The following CLEC16A variants were observed in gnomAD, a reference collection of about 807,000 sequenced individuals.
CLEC16A encodes C-type lectin domain containing 16A, also known as protein CLEC16A.
In CLEC16A, 51 loss-of-function variants were observed where a neutral mutation model predicts 109.5. That is an observed-to-expected ratio of 0.47 (90% CI 0.37 to 0.59). The LOEUF is 0.59. Among genes scored for constraint, CLEC16A ranks in the 20% least tolerant of loss-of-function variants. CLEC16A has a pLI of 0.00. For synonymous variants in CLEC16A, 673 were observed against 564.2 expected (o/e 1.19, Z -2.73); for missense variants, 1,339 against 1,394.0 (o/e 0.96, Z 0.63).
chr16:10,984,216 C>T (rs983847420), intron 10 of CLEC16A, among the ~76,000 whole-genome samples: 1 of 152,122 alleles, frequency 6.6e-6, no homozygotes. Flanking sequence ...TTACAAGAGG[C>T]CCCTGCCCTT....
chr16:11,171,307 G>A (rs377380229), intron 23 of CLEC16A, among the ~76,000 whole-genome samples: 5 of 152,304 alleles, frequency 3.3e-5, no homozygotes, highest in Admixed American at 1.3e-4. Context: ...AGCCTCCTTC[G>A]CACGCCAGAG....
intron 19 of CLEC16A, among the ~76,000 whole-genome samples, chr16:11,089,631 G>A (rs2050195478): frequency 6.6e-6 from 1 of 152,212 alleles, no homozygotes; most frequent in South Asian, 2.1e-4. Context: ...AGCATGACGA[G>A]CAGAAGCTTA....
intron 23 of CLEC16A, among the ~76,000 whole-genome samples, chr16:11,176,309 C>T (rs1461092098): frequency 6.6e-6 from 1 of 152,254 alleles, no homozygotes; most frequent in Non-Finnish European, 1.5e-5. Flanking sequence ...CAGATCACAC[C>T]TCAAATCACT....
intron 22 of CLEC16A, among the ~76,000 whole-genome samples, chr16:11,145,686 G>A (rs536492192): frequency 1.3e-5 from 2 of 152,396 alleles, no homozygotes; most frequent in African/African-American, 4.8e-5. Context: ...GCAGGTGGCT[G>A]GATTTGGCCC....
In CLEC16A at chr16:11,178,764, C is replaced by A; in HGVS notation, c.*74C>A. 2 of 1,161,238 alleles carry A rather than the reference C, an allele frequency of 1.7e-6. No individual in the cohort carries two copies. Among genetic ancestry groups the A allele is most frequent in the Non-Finnish European group, 2.4e-6 (2 of 849,714 alleles). The allele number at this position is 1,161,238 out of a possible 1,614,324, so 71.9% of individuals were successfully genotyped here. ...CCCAGTGCCGCTGACTGGCAAGACA[C>A]ACTGGGAGCACCCACCATTCTGTGC... On this transcript the variant is annotated 3_prime_UTR_variant, in exon 24 of 24. Coordinates refer to ENST00000409790, the MANE Select transcript of CLEC16A (RefSeq NM_015226.3). This position sits in a 1 kb window ranked among gnomAD's most constrained non-coding sequence, Gnocchi z 6.5.
chr16:11,066,680 C>T (rs1370421021), intron 19 of CLEC16A: 1 of 152,190 alleles, frequency 6.6e-6, no homozygotes, highest in Non-Finnish European at 1.5e-5. Context: ...CTGGCATAAC[C>T]TAGCTGGCTG....
chr16:11,155,783 C>T (rs2054488582), intron 22 of CLEC16A, among the ~76,000 whole-genome samples: 2 of 152,216 alleles, frequency 1.3e-5, no homozygotes, highest in African/African-American at 4.8e-5. Flanking sequence ...CAGAAGTTAA[C>T]TACCCCACCC....
chr16:11,166,056 C>G (rs1055383368), intron 22 of CLEC16A, among the ~76,000 whole-genome samples: 2 of 152,206 alleles, frequency 1.3e-5, no homozygotes, highest in Admixed American at 1.3e-4. Context: ...CCTGGGTGAA[C>G]TTGCCACGAG....
At chr16:11,037,160 C>A (rs964067197) in intron 13 of CLEC16A, among the ~76,000 whole-genome samples, 4 of 152,210 alleles carry the variant, frequency 2.6e-5, no homozygotes, top group Admixed American at 1.3e-4. Flanking sequence ...ACCCAGCTGT[C>A]CCCCTAAGAG....
intron 2 of CLEC16A, among the ~76,000 whole-genome samples, chr16:10,960,627 A>C (rs1458007382): frequency 6.6e-6 from 1 of 152,108 alleles, no homozygotes; most frequent in Non-Finnish European, 1.5e-5. Context: ...AGAGTCACCA[A>C]GTCTACCCCA....
At chr16:11,125,842 G>A (rs1257363174) in intron 21 of CLEC16A, 137 bp from the exon 22 acceptor site, 4 of 809,758 alleles carry the variant, frequency 4.9e-6, no homozygotes, top group Non-Finnish European at 8.0e-6. Flanking sequence ...GCTTGAGGCT[G>A]CCTGCCGCCC....
chr16:11,145,400 C>G (rs2054008917), intron 22 of CLEC16A, among the ~76,000 whole-genome samples: 2 of 152,226 alleles, frequency 1.3e-5, no homozygotes, highest in Non-Finnish European at 2.9e-5. Context: ...GGACCAAAGC[C>G]AATGTCATCC....
chr16:10,972,446 T>G, intron 5 of CLEC16A, 108 bp from the exon 6 acceptor site: 1 of 941,750 alleles, frequency 1.1e-6, no homozygotes. Flanking sequence ...CCCACCCTAG[T>G]CTCTCTCCCT....
chr16:10,944,564 A>C lies in CLEC16A; in HGVS notation c.-154A>C, dbSNP rs2041238578. ...GAACGGCCGGTTCCGGCTGAATGTC[A>C]GTGCTGGGCTGTGGGCCGGGGAGGA... On this transcript the variant is annotated 5_prime_UTR_variant, in exon 1 of 24. Coordinates refer to ENST00000409790, the MANE Select transcript of CLEC16A (RefSeq NM_015226.3). The C allele has an allele frequency of 1.5e-6, 1 of 671,352 alleles. No homozygotes were observed. 41.6% of individuals were successfully genotyped at this position (671,352 alleles called of 1,614,324 possible).
rs1043413113 is a variant in CLEC16A, at chr16:10,954,481, A to G, written c.81-3301A>G. Reference sequence around the variant, plus strand: ...ACAATAGCTAGCACTTGTATCATACATAGTAACTGCCAAGTTAGTTATCTG... The same window carrying G: ...ACAATAGCTAGCACTTGTATCATACGTAGTAACTGCCAAGTTAGTTATCTG... On this transcript the variant is annotated intron_variant, in intron 1 of 23. Coordinates refer to ENST00000409790, the MANE Select transcript of CLEC16A (RefSeq NM_015226.3). The surrounding 1 kb of genome is among the most constrained non-coding windows in gnomAD (Gnocchi z 4.2). Among the ~76,000 whole-genome samples the G allele has an allele frequency of 3.3e-5, 5 of 152,236 alleles. No homozygotes were observed. Among genetic ancestry groups the G allele is most frequent in the African/African-American group, 1.2e-4 (5 of 41,464 alleles).
intron 10 of CLEC16A, among the ~76,000 whole-genome samples, chr16:10,995,147 A>C (rs1021500480): frequency 2.0e-5 from 3 of 152,286 alleles, no homozygotes; most frequent in African/African-American, 7.2e-5. Flanking sequence ...CTGAGTATTC[A>C]GGATGGCTGT....
chr16:11,119,296 C>A (rs917875285), intron 19 of CLEC16A, among the ~76,000 whole-genome samples: 5 of 152,200 alleles, frequency 3.3e-5, no homozygotes, highest in African/African-American at 9.7e-5. Context: ...AGCCACAGCA[C>A]CCAGCCTATA....
At chr16:10,948,025 C>G (rs995928480) in intron 1 of CLEC16A, among the ~76,000 whole-genome samples, 14 of 152,156 alleles carry the variant, frequency 9.2e-5, no homozygotes, top group African/African-American at 2.7e-4. Context: ...TCCAGAGTAG[C>G]TGGGACTACA....
chr16:11,084,153 T>C (rs1203314316), intron 19 of CLEC16A, among the ~76,000 whole-genome samples: 1 of 152,014 alleles, frequency 6.6e-6, no homozygotes, highest in Non-Finnish European at 1.5e-5. Context: ...TGGGCCTTCA[T>C]ACAGGCCCAT....
Sources: allele counts gnomAD v4.1 joint callset (sites outside exome capture counted in the v4.1 genomes callset), GRCh38; gene constraint gnomAD v4.1.1; non-coding constraint Gnocchi (gnomAD v3.1); transcripts MANE v1.5; gene names NCBI Gene and HGNC (gene_info 2026-07-23, HGNC 2026-07-21).